WWP2: variants seen among roughly 807,000 people sequenced by gnomAD.
WWP2 encodes the protein NEDD4-like E3 ubiquitin-protein ligase WWP2.
Under a neutral mutation model 121.0 loss-of-function variants are expected in WWP2, and 57 were observed. The ratio of observed to expected loss-of-function variants is 0.47; its 90% CI spans 0.38 to 0.59. The LOEUF (loss-of-function observed/expected upper bound fraction) is 0.59, where lower values mean the gene tolerates loss of function less well. WWP2 is among the 20% of genes least tolerant of loss of function. The pLI is 0.00. For missense variants in WWP2, 962 were observed against 1,158.9 expected (o/e 0.83, Z 2.47); for synonymous variants, 449 against 441.3 (o/e 1.02, Z -0.22).
rs1271632048 is a variant in WWP2, at chr16:69,935,731, G to C, written c.1843-122G>C. The C allele has an allele frequency of 1.4e-6, 2 of 1,426,314 alleles. No homozygotes were observed. Among genetic ancestry groups the C allele is most frequent in the African/African-American group, 2.9e-5 (2 of 69,942 alleles). 88.4% of individuals were successfully genotyped at this position (1,426,314 alleles called of 1,614,324 possible). ...CGCTGCGTCCGAGGCAGCTGCTGCT[G>C]TAGTTCTGTCAGGGAAGGAAGGCGG... On this transcript the variant is annotated intron_variant, in intron 17 of 23. Coordinates refer to ENST00000359154, the MANE Select transcript of WWP2 (RefSeq NM_001270454.2). The surrounding 1 kb of genome is among the most constrained non-coding windows in gnomAD (Gnocchi z 5.2).
At chr16:69,765,985 A>G (rs1479911320) in intron 1 of WWP2, among the ~76,000 whole-genome samples, 1 of 152,060 alleles carries the variant, frequency 6.6e-6, no homozygotes. Flanking sequence ...TCTAAATACT[A>G]TCCACATGCT....
At chr16:69,774,959 A>T (rs1011546253) in intron 1 of WWP2, 5 of 143,256 alleles carry the variant, frequency 3.5e-5, no homozygotes, top group African/African-American at 1.4e-4. Context: ...ACAGAGCAAG[A>T]CTGTCTCAAA....
intron 11 of WWP2, among the ~76,000 whole-genome samples, chr16:69,927,102 G>A (rs1218700110): frequency 6.6e-6 from 1 of 152,078 alleles, no homozygotes; most frequent in African/African-American, 2.4e-5. Context: ...GTTAATGAAC[G>A]ATCAGAAAAA....
chr16:69,909,299 G>A (rs947119468), intron 9 of WWP2: 2 of 987,870 alleles, frequency 2.0e-6, no homozygotes, highest in South Asian at 4.7e-5. Flanking sequence ...GTGTCTCCTG[G>A]TCCCGAGAGC....
At chr16:69,832,841 C>T (rs1309882741) in intron 4 of WWP2, among the ~76,000 whole-genome samples, 2 of 151,884 alleles carry the variant, frequency 1.3e-5, no homozygotes, top group Admixed American at 6.6e-5. Context: ...CTGTGCCTGG[C>T]CCAACCTTTT....
intron 4 of WWP2, among the ~76,000 whole-genome samples, chr16:69,811,557 C>T (rs1395821301): frequency 6.6e-6 from 1 of 151,428 alleles, no homozygotes; most frequent in Non-Finnish European, 1.5e-5. Flanking sequence ...AGACCAGACT[C>T]AGTATTGTAG....
At chr16:69,789,399 T>C (rs1443033951) in intron 2 of WWP2, among the ~76,000 whole-genome samples, 1 of 152,126 alleles carries the variant, frequency 6.6e-6, no homozygotes, top group East Asian at 1.9e-4. Context: ...CTGGCTACTT[T>C]TTGTATATTT....
At chr16:69,929,962 G>C (rs1004223212) in intron 12 of WWP2, among the ~76,000 whole-genome samples, 168 bp from the exon 13 acceptor site, 1 of 152,218 alleles carries the variant, frequency 6.6e-6, no homozygotes, top group Non-Finnish European at 1.5e-5. Context: ...TGACCTCTCC[G>C]TGCTGCAGAA....
chr16:69,826,960 G>A (rs71384747), intron 4 of WWP2, among the ~76,000 whole-genome samples: 7 of 94,134 alleles, frequency 7.4e-5, no homozygotes, highest in Non-Finnish European at 1.3e-4. Context: ...AAAAAGGGGG[G>A]GGGGCGGAGA....
intron 2 of WWP2, among the ~76,000 whole-genome samples, chr16:69,789,795 T>C (rs1191485785): frequency 4.6e-5 from 7 of 152,230 alleles, no homozygotes; most frequent in Non-Finnish European, 1.0e-4. Context: ...TGTAGTTTTA[T>C]TTCCCACTTC....
At chr16:69,928,578 C>T (rs11864678) in intron 11 of WWP2, among the ~76,000 whole-genome samples, 122,425 of 152,044 alleles carry the variant, frequency 0.81, 49,797 homozygotes, top group East Asian at 0.96. Flanking sequence ...ACTCCATGAA[C>T]ATTCCCCTGT....
chr16:69,908,214 C>T lies in WWP2; in HGVS notation c.915-547C>T, dbSNP rs190320851. 5.9e-5 allele frequency among the ~76,000 whole-genome samples: 9 copies of T among 152,258 alleles called. No individual in the cohort carries two copies. The East Asian group carries it at 1.7e-3, about 29-fold the overall frequency. On this transcript the variant is annotated intron_variant, in intron 8 of 23. Coordinates refer to ENST00000359154, the MANE Select transcript of WWP2 (RefSeq NM_001270454.2). The stretch of plus-strand genomic sequence containing the variant: ...GAGCTGAGATTGTGTCACTGCACTT[C>T]AGCCTGGGCAACAGAGTGAGACCCT...
At chr16:69,772,545 C>A (rs550135918) in intron 1 of WWP2, among the ~76,000 whole-genome samples, 1 of 152,098 alleles carries the variant, frequency 6.6e-6, no homozygotes, top group Admixed American at 6.6e-5. Context: ...AGCAGGGCTA[C>A]GCTATAGGCA....
At chr16:69,887,978 C>A in intron 7 of WWP2, 61 bp from the exon 8 acceptor site, 1 of 1,584,452 alleles carries the variant, frequency 6.3e-7, no homozygotes, top group Non-Finnish European at 8.6e-7. Flanking sequence ...AAAAACCTAG[C>A]AAGTATAAAT....
rs374412706 is a variant in WWP2 at position 69,899,490 on chromosome 16, G to A, written c.915-9271G>A. The stretch of plus-strand genomic sequence containing the variant: ...CATGCCTATAATCCCAGCACTTCGC[G>A]AGGCCGAGGCAGGTGGATCACCTGA... On this transcript the variant is annotated intron_variant, in intron 8 of 23. Transcript: ENST00000359154. 5.9e-5 allele frequency among the ~76,000 whole-genome samples: 9 copies of A among 152,250 alleles called. No homozygotes were observed. In the East Asian group the frequency reaches 1.2e-3, roughly 20 times the overall value.
At chr16:69,851,323 T>C (rs1359034002) in intron 6 of WWP2, among the ~76,000 whole-genome samples, 1 of 152,114 alleles carries the variant, frequency 6.6e-6, no homozygotes, top group East Asian at 1.9e-4. Context: ...TTCACTGCCC[T>C]GTGCTTCATC....
chr16:69,882,597 C>T (rs1238478187), intron 7 of WWP2, among the ~76,000 whole-genome samples: 1 of 152,144 alleles, frequency 6.6e-6, no homozygotes, highest in Non-Finnish European at 1.5e-5. Context: ...GTAGCTGAGA[C>T]CATGGGTGCT....
intron 1 of WWP2, among the ~76,000 whole-genome samples, chr16:69,762,671 G>T (rs1403033395): frequency 6.6e-6 from 1 of 152,144 alleles, no homozygotes; most frequent in East Asian, 1.9e-4. Flanking sequence ...CTCCCGGAAG[G>T]GGAGAGGAGC....
intron 6 of WWP2, among the ~76,000 whole-genome samples, chr16:69,858,509 G>T (rs1467540935): frequency 1.3e-5 from 2 of 152,060 alleles, no homozygotes; most frequent in Non-Finnish European, 2.9e-5. Context: ...CAGAGAAGAG[G>T]GGGCGCCCTT....
Sources: allele counts gnomAD v4.1 joint callset (sites outside exome capture counted in the v4.1 genomes callset), GRCh38; gene constraint gnomAD v4.1.1; non-coding constraint Gnocchi (gnomAD v3.1); transcripts MANE v1.5; gene names NCBI Gene and HGNC (gene_info 2026-07-23, HGNC 2026-07-21).